The following ZNF385D variants were observed in gnomAD, a reference collection of about 807,000 sequenced individuals.
The protein encoded by ZNF385D is zinc finger protein 659.
Under a neutral mutation model 35.8 loss-of-function variants are expected in ZNF385D, and 15 were observed. The ratio of observed to expected loss-of-function variants is 0.42; its 90% CI spans 0.28 to 0.64. The LOEUF (loss-of-function observed/expected upper bound fraction) is 0.64, where lower values mean the gene tolerates loss of function less well. Among genes scored for constraint, ZNF385D ranks in the 30% least tolerant of loss-of-function variants. The probability of loss-of-function intolerance (pLI) is 0.23; values close to 1 mark genes in which losing one functional copy is unlikely to be tolerated. For synonymous variants in ZNF385D, 212 were observed against 186.8 expected (o/e 1.13, Z -1.10); for missense variants, 474 against 494.6 (o/e 0.96, Z 0.39).
intron 4 of ZNF385D, chr3:21,441,871 T>C (rs1047713953): frequency 1.6e-5 from 5 of 311,360 alleles, no homozygotes; most frequent in African/African-American, 1.1e-4. Flanking sequence ...TTAAAAATAA[T>C]GGGTGAAATT....
At chr3:21,622,757 A>C (rs1398771331) in intron 2 of ZNF385D, among the ~76,000 whole-genome samples, 3 of 152,110 alleles carry the variant, frequency 2.0e-5, no homozygotes, top group Admixed American at 6.6e-5. Context: ...TTGCTTAATC[A>C]TCAATTTATT....
chr3:22,187,961 G>A (rs990390585), intron 2 of ZNF385D, among the ~76,000 whole-genome samples: 10 of 152,164 alleles, frequency 6.6e-5, no homozygotes, highest in Non-Finnish European at 1.3e-4. Context: ...TGGCAAAGGG[G>A]ATGTTGCATG....
chr3:22,224,412 T>C (rs764254764), intron 2 of ZNF385D, among the ~76,000 whole-genome samples: 10 of 152,192 alleles, frequency 6.6e-5, no homozygotes, highest in Non-Finnish European at 1.5e-4. Flanking sequence ...TATATATTCT[T>C]ATTTTACCTC....
chr3:22,044,786 A>G (rs1282409053), intron 3 of ZNF385D, among the ~76,000 whole-genome samples: 1 of 152,128 alleles, frequency 6.6e-6, no homozygotes, highest in Non-Finnish European at 1.5e-5. Context: ...CAAGTTTCTC[A>G]TGAAACAAAA....
intron 2 of ZNF385D, among the ~76,000 whole-genome samples, chr3:22,211,155 A>T (rs1006241482): frequency 2.0e-5 from 3 of 151,908 alleles, no homozygotes; most frequent in African/African-American, 4.8e-5. Flanking sequence ...AGCTCAGGAG[A>T]TTATAAATTT....
In ZNF385D at chr3:21,876,260, T is replaced by A. The variant is rs147517075; in HGVS notation, c.326-211232A>T. The stretch of plus-strand genomic sequence containing the variant: ...AAGTGGTAGAACTTTTTATTCCAAA[T>A]CTGGTGTGTTTTTTTTTTCTGTCCT... On this transcript the variant is annotated intron_variant, in intron 3 of 5. Coordinates refer to the ZNF385D transcript ENST00000494108. Among the ~76,000 whole-genome samples the A allele has an allele frequency of 2.7e-3, 411 of 151,502 alleles. 3 individuals are homozygous for A. Among genetic ancestry groups the A allele is most frequent in the African/African-American group, 9.5e-3 (395 of 41,404 alleles).
intron 3 of ZNF385D, among the ~76,000 whole-genome samples, chr3:21,534,230 A>T (rs114450036): frequency 4.7e-4 from 71 of 152,224 alleles, no homozygotes; most frequent in South Asian, 1.3e-3. Context: ...AAGCTGGAGC[A>T]AATAGTAACC....
intron 3 of ZNF385D, among the ~76,000 whole-genome samples, chr3:21,918,992 T>C (rs539639406): frequency 6.6e-6 from 1 of 152,352 alleles, no homozygotes; most frequent in Non-Finnish European, 1.5e-5. Context: ...ACAGACAGCC[T>C]TAATTTAAAA....
At chr3:22,285,763 T>C (rs1044005355) in intron 2 of ZNF385D, among the ~76,000 whole-genome samples, 2 of 152,062 alleles carry the variant, frequency 1.3e-5, no homozygotes, top group African/African-American at 2.4e-5. Context: ...GAAATTAACA[T>C]TCACTTTGTC....
At chr3:21,832,193 T>G (rs1695038515) in intron 3 of ZNF385D, among the ~76,000 whole-genome samples, 1 of 152,158 alleles carries the variant, frequency 6.6e-6, no homozygotes. Flanking sequence ...GTGCCTTATT[T>G]GTTTTTCTTC....
At chr3:21,912,244 C>G (rs1037086115) in intron 3 of ZNF385D, among the ~76,000 whole-genome samples, 2 of 151,860 alleles carry the variant, frequency 1.3e-5, no homozygotes, top group Non-Finnish European at 2.9e-5. Context: ...AAATGGGAAA[C>G]TAAGGCACAA....
intron 2 of ZNF385D, among the ~76,000 whole-genome samples, chr3:21,634,116 G>C (rs1410749620): frequency 6.6e-6 from 1 of 151,922 alleles, no homozygotes; most frequent in Non-Finnish European, 1.5e-5. Context: ...AGAATCACTT[G>C]AGTCCAGGAG....
intron 3 of ZNF385D, 139 bp from the exon 4 acceptor site, chr3:21,511,162 C>T (rs1172208835): frequency 4.0e-6 from 4 of 1,006,484 alleles, no homozygotes; most frequent in Non-Finnish European, 5.7e-6. Context: ...CAGTGGGGTT[C>T]TATTTAGAAT....
chr3:21,890,038 C>T (rs1320164618), intron 3 of ZNF385D, among the ~76,000 whole-genome samples: 1 of 152,136 alleles, frequency 6.6e-6, no homozygotes, highest in African/African-American at 2.4e-5. Context: ...TTCATTTTAA[C>T]TTGATTACCA....
At chr3:22,301,175 G>A (rs1575073069) in intron 2 of ZNF385D, among the ~76,000 whole-genome samples, 2 of 152,136 alleles carry the variant, frequency 1.3e-5, no homozygotes, top group Admixed American at 1.3e-4. Flanking sequence ...GAAATAAGCT[G>A]GGCACTGAAA....
chr3:21,754,643 G>C (rs921891109), upstream of ZNF385D, among the ~76,000 whole-genome samples: 2 of 150,982 alleles, frequency 1.3e-5, no homozygotes, highest in Non-Finnish European at 3.0e-5. Context: ...AAATGCCTTT[G>C]TCCCTCCCCT....
chr3:22,231,846 G>C (rs74718332), intron 2 of ZNF385D, among the ~76,000 whole-genome samples: 1 of 152,002 alleles, frequency 6.6e-6, no homozygotes, highest in Non-Finnish European at 1.5e-5. Context: ...GAATGGTTTA[G>C]CATCATTCCT....
At chr3:22,038,821 C>T (rs1249177023) in intron 3 of ZNF385D, among the ~76,000 whole-genome samples, 3 of 151,168 alleles carry the variant, frequency 2.0e-5, no homozygotes, top group East Asian at 3.9e-4. Context: ...AAAATGTGCA[C>T]TGAAGTGATG....
chr3:21,839,706 G>A (rs112486394), intron 3 of ZNF385D, among the ~76,000 whole-genome samples: 3,980 of 152,164 alleles, frequency 0.026, 77 homozygotes, highest in Non-Finnish European at 0.038. Context: ...TCAGCTGACA[G>A]AACAGCCATT....
Sources: allele counts gnomAD v4.1 joint callset (sites outside exome capture counted in the v4.1 genomes callset), GRCh38; gene constraint gnomAD v4.1.1; transcripts MANE v1.5; gene names NCBI Gene and HGNC (gene_info 2026-07-23, HGNC 2026-07-21).